AMBRA1: variants seen among roughly 807,000 people sequenced by gnomAD.
AMBRA1 encodes autophagy and beclin 1 regulator 1, also known as activating molecule in BECN1-regulated autophagy protein 1.
A neutral mutation model predicts 125.4 loss-of-function variants in AMBRA1; 47 were observed. The observed-to-expected ratio is 0.37, with a 90% CI of 0.30 to 0.48. The LOEUF (loss-of-function observed/expected upper bound fraction) is 0.48, where lower values mean the gene tolerates loss of function less well. AMBRA1 is among the 20% of genes least tolerant of loss of function. AMBRA1 has a pLI of 0.99. For missense variants in AMBRA1, 1,331 were observed against 1,693.4 expected, an observed-to-expected ratio of 0.79 and a Z score of 3.76; for synonymous variants, 626 against 655.5, an observed-to-expected ratio of 0.95 and a Z score of 0.69.
rs1222481395 is a variant in AMBRA1 at position 46,542,583 on chromosome 11, T to G, written c.1434A>C (p.Ala478=). Residue 478 remains alanine (A), a synonymous_variant, in exon 7 of 18, where the codon GCA becomes GCC. Coordinates refer to ENST00000683756, the MANE Select transcript of AMBRA1 (RefSeq NM_001387011.1). This position sits in a 1 kb window ranked among gnomAD's most constrained non-coding sequence, Gnocchi z 5.9. ...AGCCATTCCCTCCATCTGACTCAGT[T>G]GCCAACCCTGATGCCGGAAAACCCC... ...EGRGFPASGL[A]TESDGGNGSS... The G allele has an allele frequency of 6.2e-7, 1 of 1,613,722 alleles. No individual in the cohort carries two copies. The highest frequency in any genetic ancestry group is 8.5e-7 in the Non-Finnish European group (1 of 1,180,028).
chr11:46,448,497 A>C (rs1309929284), intron 11 of AMBRA1, among the ~76,000 whole-genome samples: 1 of 152,210 alleles, frequency 6.6e-6, no homozygotes, highest in Non-Finnish European at 1.5e-5. Flanking sequence ...CATTGAATGC[A>C]TGTATAAGAA....
At chr11:46,450,455 C>A (rs952285597) in intron 11 of AMBRA1, among the ~76,000 whole-genome samples, 2 of 145,854 alleles carry the variant, frequency 1.4e-5, no homozygotes, top group African/African-American at 5.1e-5. Context: ...TTTTTCTTTT[C>A]TTGAGAGAGG....
chr11:46,463,295 C>G (rs1949177897), intron 11 of AMBRA1, among the ~76,000 whole-genome samples: 1 of 152,228 alleles, frequency 6.6e-6, no homozygotes, highest in African/African-American at 2.4e-5. Flanking sequence ...TCCCACTCAA[C>G]ACTTTCCCTG....
At chr11:46,538,208 T>C (rs1307107267) in intron 7 of AMBRA1, among the ~76,000 whole-genome samples, 1 of 152,234 alleles carries the variant, frequency 6.6e-6, no homozygotes, top group Non-Finnish European at 1.5e-5. Flanking sequence ...TTGAGACAGC[T>C]GTCAGCCCTT....
intron 11 of AMBRA1, among the ~76,000 whole-genome samples, chr11:46,485,798 T>C (rs1210847309): frequency 6.6e-6 from 1 of 152,158 alleles, no homozygotes; most frequent in East Asian, 1.9e-4. Context: ...CAAGGCCCAG[T>C]ATTTTTCCCT....
intron 7 of AMBRA1, among the ~76,000 whole-genome samples, chr11:46,530,828 A>G (rs761746129): frequency 1.3e-5 from 2 of 152,194 alleles, no homozygotes; most frequent in Admixed American, 1.3e-4. Context: ...ATTATATGAA[A>G]ATCAAATTTA....
chr11:46,415,218 G>C (rs1002957534), intron 15 of AMBRA1, among the ~76,000 whole-genome samples: 1 of 152,172 alleles, frequency 6.6e-6, no homozygotes, highest in Non-Finnish European at 1.5e-5. Context: ...TTTGAGACTG[G>C]AGACCACTCA....
Position 46,543,367 on chromosome 11 carries a change from C to A in AMBRA1, c.650G>T (p.Gly217Val). The change falls in exon 7 of 18, where the codon GGA (glycine) becomes GTA (valine). Residue 217 changes from glycine (G) to valine (V), a missense_variant. By Grantham distance (109) the Gly-to-Val change is moderately radical. Coordinates refer to ENST00000683756, the MANE Select transcript of AMBRA1 (RefSeq NM_001387011.1). ...GDDEPEIPID[G>V]TELSHYRQRA... ...CTGACGGTAGTGGGATAATTCTGTT[C>A]CATCTATGGGGATCTCTGGTTCGTC... 5 of 1,613,964 alleles carry A rather than the reference C, an allele frequency of 3.1e-6. No homozygotes were observed. Among genetic ancestry groups the A allele is most frequent in the Non-Finnish European group, 4.2e-6 (5 of 1,179,964 alleles).
At chr11:46,558,305 C>T (rs1409211210) in intron 1 of AMBRA1, among the ~76,000 whole-genome samples, 2 of 151,878 alleles carry the variant, frequency 1.3e-5, no homozygotes, top group Non-Finnish European at 1.5e-5. Context: ...AATCCCAGCA[C>T]TTTGGGAGGC....
At chr11:46,407,594 G>A (rs1261915642) in intron 17 of AMBRA1, among the ~76,000 whole-genome samples, 5 of 152,236 alleles carry the variant, frequency 3.3e-5, no homozygotes, top group Admixed American at 6.5e-5. Flanking sequence ...GAGGTGGGCT[G>A]TGCTACAGAC....
intron 14 of AMBRA1, among the ~76,000 whole-genome samples, chr11:46,419,008 A>T (rs1250884411): frequency 1.5e-4 from 23 of 152,160 alleles, no homozygotes. Context: ...GGAGGGGGTG[A>T]TAACATCAGA....
At chr11:46,586,928 T>C (rs1388467336) in intron 1 of AMBRA1, among the ~76,000 whole-genome samples, 1 of 152,122 alleles carries the variant, frequency 6.6e-6, no homozygotes, top group Non-Finnish European at 1.5e-5. Flanking sequence ...ACTCCAATTT[T>C]CTCTGCAAAT....
At chr11:46,469,458 T>G (rs996639690) in intron 11 of AMBRA1, among the ~76,000 whole-genome samples, 3 of 152,112 alleles carry the variant, frequency 2.0e-5, no homozygotes, top group Non-Finnish European at 4.4e-5. Flanking sequence ...AAGGTATGGT[T>G]CCTAACTTGA....
intron 11 of AMBRA1, among the ~76,000 whole-genome samples, chr11:46,457,789 C>T (rs1317213648): frequency 2.6e-5 from 4 of 151,696 alleles, no homozygotes; most frequent in Non-Finnish European, 5.9e-5. Context: ...ATAATCCCAA[C>T]TACTTAGAAG....
At chr11:46,541,623 A>C (rs1179375297) in intron 7 of AMBRA1, among the ~76,000 whole-genome samples, 1 of 152,204 alleles carries the variant, frequency 6.6e-6, no homozygotes, top group East Asian at 1.9e-4. Flanking sequence ...ATGTCTCGAC[A>C]AGGTCAAAAA....
rs531334206 is a variant in AMBRA1 at position 46,532,859 on chromosome 11, C to G, written c.2072+9086G>C. Among the ~76,000 whole-genome samples the G allele has an allele frequency of 9.2e-5, 14 of 152,332 alleles. No homozygotes were observed. In the South Asian group the frequency reaches 2.7e-3, roughly 29 times the overall value. On this transcript the variant is annotated intron_variant, in intron 7 of 17. Coordinates refer to ENST00000683756, the MANE Select transcript of AMBRA1 (RefSeq NM_001387011.1). ...GCATACAATTAATTTTCATTTACCACTAACAACGCTCATACTCTTGGGCAC... is the reference window on the plus strand; with the variant it reads ...GCATACAATTAATTTTCATTTACCAGTAACAACGCTCATACTCTTGGGCAC...
At chr11:46,428,660 G>A in intron 14 of AMBRA1, 1 of 1,597,114 alleles carries the variant, frequency 6.3e-7, no homozygotes, top group Non-Finnish European at 8.5e-7. Flanking sequence ...ATTTTACTGA[G>A]GTGGCTGACC....
chr11:46,564,609 G>T (rs918066003), intron 1 of AMBRA1, among the ~76,000 whole-genome samples: 1 of 151,912 alleles, frequency 6.6e-6, no homozygotes, highest in African/African-American at 2.4e-5. Context: ...CTCACACCTA[G>T]AAAGTCATAA....
At chr11:46,591,058 A>T (rs2044578618) in intron 1 of AMBRA1, 1 of 152,216 alleles carries the variant, frequency 6.6e-6, no homozygotes, top group African/African-American at 2.4e-5. Flanking sequence ...ATTCAACTTA[A>T]GCCTCTGCCA....
Sources: allele counts gnomAD v4.1 joint callset (sites outside exome capture counted in the v4.1 genomes callset), GRCh38; gene constraint gnomAD v4.1.1; non-coding constraint Gnocchi (gnomAD v3.1); transcripts MANE v1.5; gene names NCBI Gene and HGNC (gene_info 2026-07-23, HGNC 2026-07-21).